ALG6: variants seen among roughly 807,000 people sequenced by gnomAD.
ALG6 encodes the protein ALG6 alpha-1,3-glucosyltransferase, also known as dolichyl pyrophosphate Man9GlcNAc2 alpha-1,3-glucosyltransferase.
ALG6 carries 46 observed loss-of-function variants against 66.6 expected under a neutral mutation model. The ratio of observed to expected loss-of-function variants is 0.69; its 90% CI spans 0.55 to 0.88. The LOEUF (loss-of-function observed/expected upper bound fraction) is 0.88. Among genes scored for constraint, ALG6 ranks in the 40% least tolerant of loss-of-function variants. The probability of loss-of-function intolerance (pLI) is 0.00; values close to 1 mark genes in which losing one functional copy is unlikely to be tolerated. For synonymous variants in ALG6, 185 were observed against 203.7 expected, an observed-to-expected ratio of 0.91 and a Z score of 0.78; for missense variants, 505 against 586.8, an observed-to-expected ratio of 0.86 and a Z score of 1.44.
intron 2 of ALG6, among the ~76,000 whole-genome samples, chr1:63,373,557 TA>T (rs1180585339): frequency 6.6e-6 from 1 of 150,848 alleles, no homozygotes; most frequent in African/African-American, 2.4e-5. Context: ...ATCATCCCAT[TA>T]CACTTTAGCC....
intron 2 of ALG6, among the ~76,000 whole-genome samples, chr1:63,385,184 CTTTTTTTTTTTTTTTTTT>C (rs1165046824): frequency 1.7e-5 from 1 of 58,954 alleles, no homozygotes; most frequent in Non-Finnish European, 3.2e-5. Flanking sequence ...TTTACTTCTT[CTTTTTTTTTTTTTTTTTT>C]TTTTTTTTTT....
At chr1:63,400,324 T>C (rs1248088786) in intron 3 of ALG6, among the ~76,000 whole-genome samples, 4 of 26,830 alleles carry the variant, frequency 1.5e-4, no homozygotes, top group African/African-American at 7.0e-4. Context: ...TATATACGTA[T>C]ATATATATAT....
chr1:63,372,839 T>C (rs1647978068), intron 2 of ALG6, among the ~76,000 whole-genome samples: 1 of 152,046 alleles, frequency 6.6e-6, no homozygotes, highest in African/African-American at 2.4e-5. Flanking sequence ...TTTGTATTTT[T>C]AGTAGAGACG....
At chr1:63,419,186 AAT>A (rs921998092) in intron 11 of ALG6, among the ~76,000 whole-genome samples, 182 bp from the exon 12 acceptor site, 6 of 152,112 alleles carry the variant, frequency 3.9e-5, no homozygotes, top group Non-Finnish European at 4.4e-5. Flanking sequence ...TTTTTGAAAA[AAT>A]ATGTCAATTT....
chr1:63,372,110 G>A (rs1647946317), intron 2 of ALG6, among the ~76,000 whole-genome samples: 1 of 152,154 alleles, frequency 6.6e-6, no homozygotes, highest in Admixed American at 6.5e-5. Context: ...TAGAGTGCAG[G>A]AACTTGTGCA....
At chr1:63,414,361 C>T (rs957491919) in intron 10 of ALG6, among the ~76,000 whole-genome samples, 3 of 151,718 alleles carry the variant, frequency 2.0e-5, no homozygotes, top group African/African-American at 4.8e-5. Flanking sequence ...AAGTGATTCT[C>T]CTGCCTCAGC....
rs1207630041 is a variant in ALG6 at position 63,433,362 on chromosome 1, A to C, written c.1327-3461A>C. ...GGAGTGTAGGGGAAGGTTTCAAAGG[A>C]GATATTTTATATTTAGATCTTGTAG... On this transcript the variant is annotated intron_variant, in intron 14 of 14. Transcript: ENST00000263440. The surrounding 1 kb of genome is among the most constrained non-coding windows in gnomAD (Gnocchi z 4.2). Among the ~76,000 whole-genome samples, 2 of 151,898 alleles carry C rather than the reference A, an allele frequency of 1.3e-5. No individual in the cohort carries two copies. The highest frequency in any genetic ancestry group is 3.9e-4 in the East Asian group (2 of 5,144).
chr1:63,381,403 G>C (rs567976326), intron 2 of ALG6, among the ~76,000 whole-genome samples: 16 of 152,246 alleles, frequency 1.1e-4, no homozygotes, highest in African/African-American at 3.6e-4. Context: ...GCAGTGAGCT[G>C]AGATCTCACC....
chr1:63,382,303 G>A (rs1648341703), intron 2 of ALG6, among the ~76,000 whole-genome samples: 1 of 151,690 alleles, frequency 6.6e-6, no homozygotes, highest in Admixed American at 6.6e-5. Context: ...CCCGGTTCAA[G>A]CAATTCTTCT....
chr1:63,420,113 A>G (rs1415349913), intron 12 of ALG6, among the ~76,000 whole-genome samples: 2 of 152,196 alleles, frequency 1.3e-5, no homozygotes, highest in African/African-American at 4.8e-5. Flanking sequence ...CAGAATGACC[A>G]ATGACAAATG....
At chr1:63,402,048 T>A (rs760622365) in intron 3 of ALG6, among the ~76,000 whole-genome samples, 6 of 152,202 alleles carry the variant, frequency 3.9e-5, no homozygotes, top group Non-Finnish European at 7.4e-5. Context: ...ATTGATGAAG[T>A]CTACTAATAG....
chr1:63,399,502 T>A (rs549093117), intron 3 of ALG6, among the ~76,000 whole-genome samples: 1 of 152,282 alleles, frequency 6.6e-6, no homozygotes, highest in Non-Finnish European at 1.5e-5. Flanking sequence ...ACTTTAATCA[T>A]TTTCCTCATG....
chr1:63,391,479 G>A (rs1251354991), intron 2 of ALG6, among the ~76,000 whole-genome samples: 4 of 152,178 alleles, frequency 2.6e-5, no homozygotes, highest in Non-Finnish European at 5.9e-5. Flanking sequence ...AGATAAAGAT[G>A]CTTCTTTTCT....
At chr1:63,373,657 CA>C (rs377327789) in intron 2 of ALG6, among the ~76,000 whole-genome samples, 1,504 of 114,788 alleles carry the variant, frequency 0.013, 82 homozygotes, top group African/African-American at 0.037. Flanking sequence ...ATTTAATTTA[CA>C]TTTTTTTTTT....
At chr1:63,379,996 G>A (rs1367404115) in intron 2 of ALG6, among the ~76,000 whole-genome samples, 2 of 151,674 alleles carry the variant, frequency 1.3e-5, no homozygotes, top group Non-Finnish European at 2.9e-5. Flanking sequence ...AGGTTTAAGA[G>A]TTGCTTTTGC....
intron 7 of ALG6, among the ~76,000 whole-genome samples, chr1:63,409,991 T>G (rs1644508468): frequency 6.6e-6 from 1 of 152,206 alleles, no homozygotes; most frequent in African/African-American, 2.4e-5. Flanking sequence ...ATTTGACTTC[T>G]ACCTCTAGGG....
At chr1:63,413,275 C>T (rs1644525421) in intron 9 of ALG6, among the ~76,000 whole-genome samples, 1 of 152,178 alleles carries the variant, frequency 6.6e-6, no homozygotes. Flanking sequence ...AAAAGTTTAA[C>T]TCTCTATGTA....
chr1:63,417,727 C>T (rs1644552199), intron 11 of ALG6, among the ~76,000 whole-genome samples: 1 of 152,138 alleles, frequency 6.6e-6, no homozygotes, highest in South Asian at 2.1e-4. Flanking sequence ...AAAGGAATGA[C>T]AGATGACATC....
intron 12 of ALG6, among the ~76,000 whole-genome samples, chr1:63,420,709 A>C (rs1319088218): frequency 1.3e-5 from 2 of 151,656 alleles, no homozygotes; most frequent in Non-Finnish European, 1.5e-5. Context: ...AAATACAAAA[A>C]AATTAGCCGG....
Sources: allele counts gnomAD v4.1 joint callset (sites outside exome capture counted in the v4.1 genomes callset), GRCh38; gene constraint gnomAD v4.1.1; non-coding constraint Gnocchi (gnomAD v3.1); transcripts MANE v1.5; gene names NCBI Gene and HGNC (gene_info 2026-07-23, HGNC 2026-07-21).